LINGO2: variants seen among roughly 807,000 people sequenced by gnomAD.
The protein encoded by LINGO2 is leucine-rich repeat and immunoglobulin-like domain-containing nogo receptor-interacting protein 2.
In LINGO2, 14 loss-of-function variants were observed where a neutral mutation model predicts 30.6. The ratio of observed to expected loss-of-function variants is 0.46; its 90% CI spans 0.30 to 0.72. The LOEUF (loss-of-function observed/expected upper bound fraction) is 0.72. LINGO2 is among the 30% of genes least tolerant of loss of function. The pLI, the probability that LINGO2 is intolerant of heterozygous loss-of-function variation, is 0.07. For missense variants in LINGO2, 729 were observed against 751.7 expected (o/e 0.97, Z 0.35); for synonymous variants, 317 against 288.5 (o/e 1.10, Z -1.00).
intron 4 of LINGO2, among the ~76,000 whole-genome samples, chr9:28,146,127 C>G (rs993911255): frequency 6.6e-6 from 1 of 152,200 alleles, no homozygotes; most frequent in Admixed American, 6.5e-5. Flanking sequence ...ACAGCAGAAG[C>G]ACACAGCCCT....
chr9:28,576,500 T>G (rs1823998860), intron 1 of LINGO2, among the ~76,000 whole-genome samples: 1 of 152,182 alleles, frequency 6.6e-6, no homozygotes, highest in Non-Finnish European at 1.5e-5. Context: ...AACAAACTAA[T>G]GAAAGCTTTG....
intron 1 of LINGO2, among the ~76,000 whole-genome samples, chr9:28,612,073 T>C (rs1825943312): frequency 6.6e-6 from 1 of 151,934 alleles, no homozygotes; most frequent in Admixed American, 6.6e-5. Context: ...CTGGGCTTCT[T>C]TTTTATTTTT....
the LINGO2 span, among the ~76,000 whole-genome samples, chr9:29,021,749 G>C: frequency 6.6e-6 from 1 of 150,848 alleles, no homozygotes; most frequent in South Asian, 2.1e-4. Context: ...AGGAAGGAAA[G>C]CATTGACTAG....
At chr9:29,091,303 C>A in the LINGO2 span, among the ~76,000 whole-genome samples, 1 of 151,972 alleles carries the variant, frequency 6.6e-6, no homozygotes, top group African/African-American at 2.4e-5. Flanking sequence ...CATGGAAACA[C>A]TGAATCTCCC....
chr9:28,167,589 G>T (rs746136370), intron 4 of LINGO2, among the ~76,000 whole-genome samples: 2 of 152,160 alleles, frequency 1.3e-5, no homozygotes, highest in Non-Finnish European at 2.9e-5. Context: ...GTTTTGCCAC[G>T]TTGGCCAGGC....
At chr9:29,201,749 T>C in the LINGO2 span, among the ~76,000 whole-genome samples, 1 of 152,156 alleles carries the variant, frequency 6.6e-6, no homozygotes, top group East Asian at 1.9e-4. Flanking sequence ...AGGAATGACT[T>C]TGTGTAGGTA....
chr9:27,974,791 T>C (rs10968243), intron 5 of LINGO2, among the ~76,000 whole-genome samples: 17,919 of 152,208 alleles, frequency 0.12, 1,282 homozygotes, highest in Non-Finnish European at 0.16. Context: ...AAAAGTTTCT[T>C]GCTTATCACC....
chr9:28,673,598 C>T (rs936489632), upstream of LINGO2, among the ~76,000 whole-genome samples: 10 of 151,770 alleles, frequency 6.6e-5, no homozygotes, highest in African/African-American at 1.5e-4. Flanking sequence ...ACCCGGGAGG[C>T]GCAAGTTGCA....
At chr9:28,627,801 T>C (rs2135859058) in intron 1 of LINGO2, among the ~76,000 whole-genome samples, 1 of 152,132 alleles carries the variant, frequency 6.6e-6, no homozygotes. Context: ...TAATAATCCA[T>C]TGGTCATTCT....
At chr9:28,262,760 G>C (rs1822609393) in intron 4 of LINGO2, among the ~76,000 whole-genome samples, 1 of 151,930 alleles carries the variant, frequency 6.6e-6, no homozygotes, top group South Asian at 2.1e-4. Context: ...AAGTTACTAA[G>C]TTCTTATATA....
At chr9:27,978,985 G>T (rs1447731579) in intron 5 of LINGO2, among the ~76,000 whole-genome samples, 1 of 151,978 alleles carries the variant, frequency 6.6e-6, no homozygotes. Context: ...AGAGTTCAAG[G>T]CTCAGAGAAG....
chr9:28,387,473 C>T (rs1033631817), intron 2 of LINGO2, among the ~76,000 whole-genome samples: 1 of 152,208 alleles, frequency 6.6e-6, no homozygotes, highest in Non-Finnish European at 1.5e-5. Flanking sequence ...GAGCCAGCAG[C>T]AGCAACCTCC....
intron 1 of LINGO2, among the ~76,000 whole-genome samples, chr9:28,593,062 T>G (rs1358692327): frequency 6.6e-6 from 1 of 152,104 alleles, no homozygotes; most frequent in East Asian, 1.9e-4. Context: ...AAATACTAAT[T>G]ACATTTCCTG....
At chr9:28,833,913 C>G in the LINGO2 span, among the ~76,000 whole-genome samples, 1 of 152,158 alleles carries the variant, frequency 6.6e-6, no homozygotes, top group African/African-American at 2.4e-5. Context: ...ACTGGCTCTC[C>G]TTCTTTATAT....
chr9:28,102,279 G>A (rs1826440540), intron 4 of LINGO2, among the ~76,000 whole-genome samples: 1 of 151,964 alleles, frequency 6.6e-6, no homozygotes, highest in Non-Finnish European at 1.5e-5. Flanking sequence ...AAACAGCCAT[G>A]TGGGAAACTA....
At chr9:27,990,468 C>CA (rs201417261) in intron 5 of LINGO2, among the ~76,000 whole-genome samples, 9 of 126,596 alleles carry the variant, frequency 7.1e-5, no homozygotes, top group Non-Finnish European at 1.3e-4. Context: ...CAATACCCCC[C>CA]CCCCTTTTAT....
intron 4 of LINGO2, among the ~76,000 whole-genome samples, chr9:28,014,309 G>T (rs1291583132): frequency 2.6e-5 from 4 of 152,092 alleles, no homozygotes; most frequent in African/African-American, 7.2e-5. Flanking sequence ...CATTATAATT[G>T]CATAATAGTC....
chr9:28,207,646 C>G (rs1478878249), intron 4 of LINGO2, among the ~76,000 whole-genome samples: 1 of 152,006 alleles, frequency 6.6e-6, no homozygotes, highest in Non-Finnish European at 1.5e-5. Context: ...TGATACATAA[C>G]AAGCTAAAAA....
At chr9:28,820,271 A>G in the LINGO2 span, among the ~76,000 whole-genome samples, 119,140 of 150,532 alleles carry the variant, frequency 0.79, 47,239 homozygotes, top group East Asian at 0.9. Flanking sequence ...TAGGCCTAGG[A>G]GCAAGACTAT....
Sources: gnomAD v4.1 joint callset for allele counts (sites outside exome capture counted in the v4.1 genomes callset) on GRCh38, gnomAD v4.1.1 for gene constraint, MANE v1.5 for transcripts, NCBI Gene and HGNC (gene_info 2026-07-23, HGNC 2026-07-21) for gene names.